Variants in ZNF503 observed in about 807,000 individuals in gnomAD.
ZNF503 encodes the protein zinc finger protein 503, also known as NocA-like zinc finger 2.
Under a neutral mutation model 34.4 loss-of-function variants are expected in ZNF503, and 15 were observed. The ratio of observed to expected loss-of-function variants is 0.44; its 90% CI spans 0.29 to 0.67. The LOEUF (loss-of-function observed/expected upper bound fraction) is 0.67. Among genes scored for constraint, ZNF503 ranks in the 30% least tolerant of loss-of-function variants. ZNF503 has a pLI of 0.13. For synonymous variants in ZNF503, 580 were observed against 456.8 expected, an observed-to-expected ratio of 1.27 and a Z score of -3.44; for missense variants, 1,007 against 926.8, an observed-to-expected ratio of 1.09 and a Z score of -1.12.
chr10:75,370,687 G>A, the ZNF503 span, among the ~76,000 whole-genome samples: 3,729 of 149,778 alleles, frequency 0.025, 145 homozygotes, highest in African/African-American at 0.087. Flanking sequence ...GCTGAGGCAG[G>A]AGAATCGCTT....
chr10:75,323,846 C>T, the ZNF503 span, among the ~76,000 whole-genome samples: 1 of 151,766 alleles, frequency 6.6e-6, no homozygotes, highest in Non-Finnish European at 1.5e-5. Flanking sequence ...AATAAAAATA[C>T]AAAAAATTAG....
In ZNF503 at chr10:75,399,391, G is replaced by A. The variant is rs778519233; in HGVS notation, c.1299C>T (p.Leu433=). ...CCAGGTGGCTAGCGCAGTGGTAGCT[G>A]AGGCAGTAAGGGTCCCGGCACAAAC... ...TASLCRDPYC[L]SYHCASHLAG... The change falls in exon 2 of 2, where the codon CTC becomes CTT. Residue 433 remains leucine, a synonymous_variant. Transcript: ENST00000372524. 6.2e-7 allele frequency: 1 copy of A among 1,605,990 alleles called. No homozygotes were observed. The highest frequency in any genetic ancestry group is 2.2e-5 in the East Asian group (1 of 44,788).
the ZNF503 span, among the ~76,000 whole-genome samples, chr10:75,287,550 A>C: frequency 6.6e-6 from 1 of 150,414 alleles, no homozygotes; most frequent in Non-Finnish European, 1.5e-5. Flanking sequence ...CCTGTTACCT[A>C]CCCTCCCATA....
downstream of ZNF503, among the ~76,000 whole-genome samples, chr10:75,393,732 G>A (rs746258525): frequency 2.1e-4 from 32 of 152,018 alleles, no homozygotes; most frequent in Non-Finnish European, 3.8e-4. Context: ...GGTGGTGCAC[G>A]TCTGTAATTT....
At chr10:75,393,191 C>T (rs978009396), downstream of ZNF503, among the ~76,000 whole-genome samples, 4 of 152,220 alleles carry the variant, frequency 2.6e-5, no homozygotes, top group African/African-American at 9.6e-5. Context: ...TTAGTACCTT[C>T]GGGAGTTTTG....
chr10:75,362,985 T>C, the ZNF503 span, among the ~76,000 whole-genome samples: 1 of 151,972 alleles, frequency 6.6e-6, no homozygotes, highest in Non-Finnish European at 1.5e-5. Context: ...GTGTGAAAGC[T>C]GCAAGGAAGG....
chr10:75,320,652 TA>T, the ZNF503 span, among the ~76,000 whole-genome samples: 1 of 151,704 alleles, frequency 6.6e-6, no homozygotes, highest in African/African-American at 2.4e-5. Flanking sequence ...ACCCCATCTC[TA>T]AAAAAAATTA....
downstream of ZNF503, chr10:75,397,744 GGAA>G (rs748080396): frequency 5.2e-5 from 8 of 152,426 alleles, no homozygotes; most frequent in South Asian, 2.1e-4. Flanking sequence ...CACGGTCCCG[GGAA>G]GAAGGAGTAG....
the ZNF503 span, among the ~76,000 whole-genome samples, chr10:75,390,049 A>G: frequency 6.6e-6 from 1 of 151,348 alleles, no homozygotes; most frequent in Non-Finnish European, 1.5e-5. Context: ...CCCCCCCACC[A>G]CGCCCGGCTA....
chr10:75,383,398 C>T, the ZNF503 span, among the ~76,000 whole-genome samples: 7 of 152,092 alleles, frequency 4.6e-5, no homozygotes, highest in East Asian at 5.8e-4. Context: ...GCCTGAGTTT[C>T]CCCCCACTTC....
At chr10:75,334,143 G>A in the ZNF503 span, among the ~76,000 whole-genome samples, 3 of 149,596 alleles carry the variant, frequency 2.0e-5, no homozygotes, top group Admixed American at 6.6e-5. Context: ...GGTGGCGGCC[G>A]GGCAGAGGCT....
chr10:75,345,132 C>T, the ZNF503 span, among the ~76,000 whole-genome samples: 1 of 152,118 alleles, frequency 6.6e-6, no homozygotes, highest in African/African-American at 2.4e-5. Context: ...AAATGCATTG[C>T]TCTGGGAAAG....
At chr10:75,342,628 C>A in the ZNF503 span, among the ~76,000 whole-genome samples, 6 of 147,748 alleles carry the variant, frequency 4.1e-5, no homozygotes, top group Admixed American at 2.7e-4. Flanking sequence ...AAAGCTGACA[C>A]TGGGGATAGT....
the ZNF503 span, among the ~76,000 whole-genome samples, chr10:75,369,725 TA>T: frequency 6.6e-6 from 1 of 152,178 alleles, no homozygotes; most frequent in Non-Finnish European, 1.5e-5. Flanking sequence ...GAATGAAGCA[TA>T]TTAGTGTTAC....
chr10:75,398,086 G>A lies in ZNF503; in HGVS notation c.*663C>T, dbSNP rs1248749591. ...CAAAAAAATACCCATTCTCTTCGAT[G>A]GTATACACCTTAAAAATAATTGCAA... On this transcript the variant is annotated 3_prime_UTR_variant, in exon 2 of 2. Coordinates refer to ENST00000372524, the MANE Select transcript of ZNF503 (RefSeq NM_032772.6). The A allele has an allele frequency of 1.3e-5, 2 of 150,512 alleles. No homozygotes were observed. The highest frequency in any genetic ancestry group is 4.9e-5 in the African/African-American group (2 of 40,586). 9.3% of individuals were successfully genotyped at this position (150,512 alleles called of 1,614,324 possible).
Position 75,399,604 on chromosome 10 carries a change from G to A in ZNF503, c.1086C>T (p.Ser362=). Residue 362 remains serine (S), a synonymous_variant, in exon 2 of 2, where the codon AGC becomes AGT. Transcript: ENST00000372524. ...GGTAGCCGGCGTAGGCCCCGGCCAG[G>A]CTGCCTGGGTAGGTCATACCCGCGG... ...LPPAGMTYPG[S]LAGAYAGYPP... 1 of 1,597,958 alleles carries A rather than the reference G, an allele frequency of 6.3e-7. No individual in the cohort carries two copies. The highest frequency in any genetic ancestry group is 8.5e-7 in the Non-Finnish European group (1 of 1,179,584).
At chr10:75,377,989 AAG>A in the ZNF503 span, among the ~76,000 whole-genome samples, 2 of 151,962 alleles carry the variant, frequency 1.3e-5, no homozygotes, top group Admixed American at 1.3e-4. Flanking sequence ...GAACAGGAGG[AAG>A]AGAGAGAGGA....
the ZNF503 span, among the ~76,000 whole-genome samples, chr10:75,313,772 G>C: frequency 6.6e-6 from 1 of 152,228 alleles, no homozygotes; most frequent in Non-Finnish European, 1.5e-5. Flanking sequence ...AAATCTGTGG[G>C]ATTGGGAGAA....
chr10:75,360,756 C>G, the ZNF503 span: 1 of 152,240 alleles, frequency 6.6e-6, no homozygotes, highest in Non-Finnish European at 1.5e-5. Flanking sequence ...GGGCAATCAA[C>G]CTACAGCATC....
Sources: allele counts gnomAD v4.1 joint callset (sites outside exome capture counted in the v4.1 genomes callset), GRCh38; gene constraint gnomAD v4.1.1; transcripts MANE v1.5; gene names NCBI Gene and HGNC (gene_info 2026-07-23, HGNC 2026-07-21).